Variants in ZFHX4 observed in about 807,000 individuals in gnomAD.
The protein encoded by ZFHX4 is zinc finger homeobox 4.
Under a neutral mutation model 267.6 loss-of-function variants are expected in ZFHX4, and 56 were observed. The ratio of observed to expected loss-of-function variants is 0.21; its 90% confidence interval spans 0.17 to 0.26. ZFHX4 has a LOEUF of 0.26. Among genes scored for constraint, ZFHX4 ranks in the 10% least tolerant of loss-of-function variants. The pLI is 1.00. For synonymous variants in ZFHX4, 1,778 were observed against 1,665.6 expected (o/e 1.07, Z -1.64); for missense variants, 4,332 against 4,420.0 (o/e 0.98, Z 0.56).
At chr8:76,698,221 A>G (rs1354562150) in intron 1 of ZFHX4, among the ~76,000 whole-genome samples, 1 of 152,138 alleles carries the variant, frequency 6.6e-6, no homozygotes, top group African/African-American at 2.4e-5. Context: ...CAAGTACCAA[A>G]GTTTGTTTAT....
At chr8:76,744,175 G>A (rs1405254348) in intron 3 of ZFHX4, among the ~76,000 whole-genome samples, 1 of 151,920 alleles carries the variant, frequency 6.6e-6, no homozygotes, top group Non-Finnish European at 1.5e-5. Flanking sequence ...GCGAAACCCT[G>A]TCTCTACTAA....
At position 76,707,715 on chromosome 8, in the gene ZFHX4, A is replaced by T. The variant is rs761417543; in HGVS notation, c.2760A>T (p.Leu920=). The T allele has an allele frequency of 6.2e-7, 1 of 1,613,766 alleles. No individual in the cohort carries two copies. The highest frequency in any genetic ancestry group is 8.5e-7 in the Non-Finnish European group (1 of 1,179,870). ...NKFTSDSLEA[L]SVHVSSERSL... ...TCACCTCTGACAGCCTGGAGGCCCT[A>T]AGTGTGCATGTGAGCAGTGAGCGCT... is the stretch of plus-strand genomic sequence containing the variant. Residue 920 remains leucine, a synonymous_variant, in exon 3 of 11, where the codon CTA becomes CTT. Coordinates refer to ENST00000651372, the MANE Select transcript of ZFHX4 (RefSeq NM_024721.5).
intron 5 of ZFHX4, chr8:76,834,121 C>A (rs1252458306): frequency 1.3e-5 from 6 of 451,036 alleles, no homozygotes; most frequent in Middle Eastern, 3.6e-4. Flanking sequence ...TATGTCACAG[C>A]TTATTTATCC....
chr8:76,785,458 G>A (rs1810662090), intron 4 of ZFHX4, among the ~76,000 whole-genome samples: 1 of 152,000 alleles, frequency 6.6e-6, no homozygotes, highest in Admixed American at 6.6e-5. Flanking sequence ...TAATCCCATT[G>A]GGAGAGGAGG....
intron 4 of ZFHX4, among the ~76,000 whole-genome samples, chr8:76,819,798 A>G (rs1447602351): frequency 3.9e-5 from 6 of 152,206 alleles, no homozygotes; most frequent in Non-Finnish European, 8.8e-5. Context: ...GTGGATATAT[A>G]TAAGAGATTC....
chr8:76,736,463 G>A (rs1239808764), intron 3 of ZFHX4, among the ~76,000 whole-genome samples: 4 of 152,018 alleles, frequency 2.6e-5, no homozygotes, highest in South Asian at 2.1e-4. Flanking sequence ...ATTTATTATG[G>A]TGAAATATTA....
intron 4 of ZFHX4, among the ~76,000 whole-genome samples, chr8:76,819,274 C>G (rs972348068): frequency 3.3e-5 from 5 of 150,406 alleles, no homozygotes; most frequent in Admixed American, 1.3e-4. Context: ...CTTATGTTAG[C>G]CTATTAATGT....
intron 4 of ZFHX4, among the ~76,000 whole-genome samples, chr8:76,807,879 T>C (rs1349985964): frequency 6.6e-6 from 1 of 152,170 alleles, no homozygotes; most frequent in African/African-American, 2.4e-5. Flanking sequence ...TATGCATGTT[T>C]TTATTCATCC....
At chr8:76,744,691 G>A (rs1809411296) in intron 3 of ZFHX4, among the ~76,000 whole-genome samples, 2 of 152,122 alleles carry the variant, frequency 1.3e-5, no homozygotes, top group African/African-American at 4.8e-5. Context: ...GGGATTACAG[G>A]GGTGAGCCAT....
chr8:76,754,882 T>C (rs1809722408), intron 3 of ZFHX4, among the ~76,000 whole-genome samples: 1 of 152,180 alleles, frequency 6.6e-6, no homozygotes, highest in Non-Finnish European at 1.5e-5. Context: ...TAATTCACTC[T>C]CTACTTCAAT....
chr8:76,852,814 C>G lies in ZFHX4; in HGVS notation c.5893C>G (p.Gln1965Glu), dbSNP rs1358479499. ...CAATGTTCTTATTTTAAAGAGTCAC[C>G]AAGAACATGTACATGGGCAATTTTT... is the stretch of plus-strand genomic sequence containing the variant. ...FSNVLILKSH[Q>E]EHVHGQFFPY... Residue 1965 changes from glutamine (Q) to glutamate (E), a missense_variant, in exon 10 of 11, where the codon CAA becomes GAA. By Grantham distance (29) the Gln-to-Glu change is conservative. This residue lies in a region of ZFHX4 where 1,371 missense variants were observed against 1,423.1 expected (regional missense o/e 0.96). Coordinates refer to ENST00000651372, the MANE Select transcript of ZFHX4 (RefSeq NM_024721.5). 1.2e-6 allele frequency: 2 copies of G among 1,613,642 alleles called. No individual in the cohort carries two copies. The highest frequency in any genetic ancestry group is 2.7e-5 in the African/African-American group (2 of 74,888).
chr8:76,730,992 A>G (rs1282817553), intron 3 of ZFHX4, among the ~76,000 whole-genome samples: 2 of 152,298 alleles, frequency 1.3e-5, no homozygotes, highest in African/African-American at 2.4e-5. Context: ...TCCCAGGATC[A>G]TACAGATATT....
chr8:76,749,902 T>C (rs947199951), intron 3 of ZFHX4, among the ~76,000 whole-genome samples: 2 of 152,144 alleles, frequency 1.3e-5, no homozygotes, highest in African/African-American at 4.8e-5. Flanking sequence ...CATTATAAAA[T>C]TATATATTCT....
chr8:76,767,327 ATG>A (rs1361206684), intron 3 of ZFHX4, among the ~76,000 whole-genome samples: 1 of 152,060 alleles, frequency 6.6e-6, no homozygotes, highest in African/African-American at 2.4e-5. Flanking sequence ...TGTGTTAATG[ATG>A]TGTAAACATT....
At chr8:76,756,431 C>G (rs1413256385) in intron 3 of ZFHX4, among the ~76,000 whole-genome samples, 1 of 151,978 alleles carries the variant, frequency 6.6e-6, no homozygotes, top group Admixed American at 6.6e-5. Context: ...AACAGAGAGA[C>G]CAGATTGAGG....
chr8:76,691,414 C>T (rs1235016131), intron 1 of ZFHX4, among the ~76,000 whole-genome samples: 2 of 151,930 alleles, frequency 1.3e-5, no homozygotes, highest in Non-Finnish European at 2.9e-5. Flanking sequence ...ACTTCAATTC[C>T]GTGTAAGGAA....
chr8:76,830,414 G>A (rs1423348107), intron 4 of ZFHX4, among the ~76,000 whole-genome samples: 3 of 152,162 alleles, frequency 2.0e-5, no homozygotes, highest in African/African-American at 7.2e-5. Context: ...ACCAGCAAAA[G>A]AGACAAATCG....
intron 4 of ZFHX4, among the ~76,000 whole-genome samples, chr8:76,803,232 A>G (rs1485108532): frequency 6.6e-6 from 1 of 151,568 alleles, no homozygotes; most frequent in Non-Finnish European, 1.5e-5. Flanking sequence ...AATATAAATC[A>G]ATATTGTGTG....
At chr8:76,737,504 G>A (rs776209994) in intron 3 of ZFHX4, among the ~76,000 whole-genome samples, 1 of 152,184 alleles carries the variant, frequency 6.6e-6, no homozygotes, top group African/African-American at 2.4e-5. Flanking sequence ...TAGTAATTAA[G>A]GGCTTTGGAG....
Sources: gnomAD v4.1 joint callset for allele counts (sites outside exome capture counted in the v4.1 genomes callset) on GRCh38, gnomAD v4.1.1 for gene constraint, gnomAD v4.1.1 regional missense constraint, MANE v1.5 for transcripts, NCBI Gene and HGNC (gene_info 2026-07-23, HGNC 2026-07-21) for gene names.